Variants in TMEM156 observed in about 807,000 individuals in gnomAD.
The protein encoded by TMEM156 is transmembrane protein 156.
A neutral mutation model predicts 30.5 loss-of-function variants in TMEM156; 28 were observed. That is an observed-to-expected ratio of 0.92 (90% CI 0.68 to 1.26). TMEM156 has a LOEUF of 1.26. Ranked by LOEUF, TMEM156 falls within the 50% of genes most tolerant of loss-of-function variation. TMEM156 has a pLI of 0.00. For missense variants in TMEM156, 351 were observed against 340.6 expected, an observed-to-expected ratio of 1.03 and a Z score of -0.24; for synonymous variants, 137 against 119.9, an observed-to-expected ratio of 1.14 and a Z score of -0.93.
chr4:39,019,423 AC>A (rs1454307217), intron 1 of TMEM156, among the ~76,000 whole-genome samples: 1 of 152,146 alleles, frequency 6.6e-6, no homozygotes, highest in Non-Finnish European at 1.5e-5. Flanking sequence ...CTGCCTGGTA[AC>A]TTTTAATAGT....
intron 1 of TMEM156, among the ~76,000 whole-genome samples, chr4:39,015,852 G>T (rs1316171127): frequency 6.6e-6 from 1 of 151,976 alleles, no homozygotes; most frequent in Non-Finnish European, 1.5e-5. Flanking sequence ...TTTTATAAGG[G>T]GAAACCCCCT....
chr4:39,022,296 C>T (rs1714920898), intron 1 of TMEM156, among the ~76,000 whole-genome samples: 1 of 152,218 alleles, frequency 6.6e-6, no homozygotes, highest in African/African-American at 2.4e-5. Context: ...TTCCTCAAAA[C>T]CAGACATAAT....
chr4:38,999,978 C>T (rs1015033323), intron 1 of TMEM156, among the ~76,000 whole-genome samples: 3 of 152,194 alleles, frequency 2.0e-5, no homozygotes, highest in African/African-American at 7.2e-5. Context: ...ATTCAGCCTA[C>T]CACAACTTCT....
chr4:39,013,714 T>C (rs1714287679), intron 1 of TMEM156, among the ~76,000 whole-genome samples: 1 of 152,046 alleles, frequency 6.6e-6, no homozygotes, highest in Non-Finnish European at 1.5e-5. Context: ...GTTATAATTA[T>C]TTACAGACAA....
intron 5 of TMEM156, among the ~76,000 whole-genome samples, chr4:38,978,724 T>G (rs1258870572): frequency 6.6e-6 from 1 of 152,234 alleles, no homozygotes; most frequent in East Asian, 1.9e-4. Flanking sequence ...CTCTGTTAAA[T>G]GAGCTTGTCA....
At chr4:38,992,726 T>TATATATATATATATA (rs1560367029) in intron 3 of TMEM156, among the ~76,000 whole-genome samples, 26 of 56,164 alleles carry the variant, frequency 4.6e-4, no homozygotes, top group Admixed American at 2.1e-4. Context: ...ATATATATAA[T>TATATATATATATATA]ATATATATAA....
At chr4:39,005,388 C>A (rs1348175550) in intron 1 of TMEM156, among the ~76,000 whole-genome samples, 1 of 152,154 alleles carries the variant, frequency 6.6e-6, no homozygotes, top group Non-Finnish European at 1.5e-5. Context: ...ATAAGAGCCT[C>A]TTCCCTCTTT....
At chr4:39,018,298 T>C (rs1334138617) in intron 1 of TMEM156, among the ~76,000 whole-genome samples, 3 of 152,230 alleles carry the variant, frequency 2.0e-5, no homozygotes, top group African/African-American at 4.8e-5. Flanking sequence ...TAAAGGTTAC[T>C]TTTATACAGC....
intron 5 of TMEM156, among the ~76,000 whole-genome samples, chr4:38,971,668 G>A (rs1019474579): frequency 1.3e-5 from 2 of 152,044 alleles, no homozygotes; most frequent in African/African-American, 4.8e-5. Context: ...ATGACATCTC[G>A]TTCATTCTCC....
Position 38,994,290 on chromosome 4 carries a change from A to AG in TMEM156, c.359-293_359-292insC, listed in dbSNP as rs1712765034. Among the ~76,000 whole-genome samples the AG allele has an allele frequency of 3.9e-5, 6 of 152,026 alleles. No individual in the cohort carries two copies. The South Asian group carries it at 1.0e-3, about 26-fold the overall frequency. ...CAGGTGTATGCCACTATGCTCAGCTAATTTTTTTAATTTTTTGTAGAGATT... is the reference window on the plus strand; with the variant it reads ...CAGGTGTATGCCACTATGCTCAGCTAGATTTTTTTAATTTTTTGTAGAGATT... On this transcript the variant is annotated intron_variant, in intron 2 of 6. Coordinates refer to ENST00000381938, the MANE Select transcript of TMEM156 (RefSeq NM_024943.3).
At chr4:39,005,420 T>C (rs1199598315) in intron 1 of TMEM156, among the ~76,000 whole-genome samples, 1 of 152,184 alleles carries the variant, frequency 6.6e-6, no homozygotes, top group East Asian at 1.9e-4. Context: ...TGTCTCCTGC[T>C]GCCTTGTGAA....
intron 1 of TMEM156, chr4:39,028,306 A>G (rs532009398): frequency 6.1e-4 from 93 of 152,296 alleles, no homozygotes; most frequent in African/African-American, 2.2e-3. Context: ...ATTTTATTTA[A>G]TAATCGTCAT....
intron 3 of TMEM156, among the ~76,000 whole-genome samples, chr4:38,990,845 T>C (rs1712394411): frequency 7.4e-6 from 1 of 135,348 alleles, no homozygotes; most frequent in Non-Finnish European, 1.6e-5. Context: ...TTTTTTTTTT[T>C]TTTTTTTTGA....
rs28624320 is a variant in TMEM156, at chr4:38,994,952, A to C, written c.359-954T>G. On this transcript the variant is annotated intron_variant, in intron 2 of 6. Transcript: ENST00000381938. ...GACTCAGTCTCAAAAAAAAAAAGAA[A>C]AGAACAGAAGTTTGTCTCACAGTTC... Among the ~76,000 whole-genome samples the C allele has an allele frequency of 6.3e-3, 952 of 152,172 alleles. 13 individuals are homozygous for C. Among genetic ancestry groups the C allele is most frequent in the African/African-American group, 0.021 (871 of 41,522 alleles).
chr4:39,027,758 C>CTTTTTTTTTT (rs112766367), intron 1 of TMEM156, among the ~76,000 whole-genome samples: 1 of 120,794 alleles, frequency 8.3e-6, no homozygotes, highest in African/African-American at 3.3e-5. Context: ...TTTTCTTTTT[C>CTTTTTTTTTT]TTTTTTTTTT....
chr4:38,986,889 T>C (rs1712042390), intron 4 of TMEM156, among the ~76,000 whole-genome samples: 1 of 149,952 alleles, frequency 6.7e-6, no homozygotes, highest in Non-Finnish European at 1.5e-5. Context: ...AAGTATATTT[T>C]TATCTTATTA....
intron 1 of TMEM156, among the ~76,000 whole-genome samples, chr4:39,017,513 T>G (rs1467126199): frequency 6.6e-6 from 1 of 152,118 alleles, no homozygotes; most frequent in East Asian, 1.9e-4. Context: ...AAAGAATATG[T>G]GTTCCAGATG....
chr4:38,993,803 C>T lies in TMEM156; in HGVS notation c.554G>A (p.Cys185Tyr), dbSNP rs1173014856. The change falls in exon 3 of 7, where the codon TGT (cysteine) becomes TAT (tyrosine). Residue 185 changes from cysteine to tyrosine, a missense_variant. Coordinates refer to ENST00000381938, the MANE Select transcript of TMEM156 (RefSeq NM_024943.3). ...ATCATTCGGGTATTCCATGATTCTA[C>T]AAGTGTAGTTTATCGATTTCTCCTT... Reference protein sequence around the residue: ...PSKEKSINYTCRIMEYPNDCI... With the variant: ...PSKEKSINYTYRIMEYPNDCI... 1 of 1,613,818 alleles carries T rather than the reference C, an allele frequency of 6.2e-7. No individual in the cohort carries two copies.
intron 6 of TMEM156, among the ~76,000 whole-genome samples, chr4:38,970,481 C>T (rs1447942582): frequency 6.6e-6 from 1 of 152,092 alleles, no homozygotes; most frequent in Non-Finnish European, 1.5e-5. Context: ...CTCCCCTTCC[C>T]TGTTATAATT....
Sources: gnomAD v4.1 joint callset for allele counts (sites outside exome capture counted in the v4.1 genomes callset) on GRCh38, gnomAD v4.1.1 for gene constraint, MANE v1.5 for transcripts, NCBI Gene and HGNC (gene_info 2026-07-23, HGNC 2026-07-21) for gene names.